Variants in LRP8 observed in about 807,000 individuals in gnomAD.
LRP8 encodes LDL receptor related protein 8.
In LRP8, 46 loss-of-function variants were observed where a neutral mutation model predicts 111.6. That is an observed-to-expected ratio of 0.41 (90% CI 0.33 to 0.53). The LOEUF (loss-of-function observed/expected upper bound fraction) is 0.53. LRP8 is among the 20% of genes least tolerant of loss of function. LRP8 has a pLI of 0.20. For synonymous variants in LRP8, 464 were observed against 511.2 expected (o/e 0.91, Z 1.24); for missense variants, 959 against 1,297.4 (o/e 0.74, Z 4.01).
chr1:53,324,293 G>A (rs1453265795), intron 2 of LRP8, among the ~76,000 whole-genome samples: 3 of 152,194 alleles, frequency 2.0e-5, no homozygotes, highest in African/African-American at 7.2e-5. Flanking sequence ...CCTAGAATGC[G>A]GGAAGGGCTG....
chr1:53,259,621 G>A (rs918948318), intron 13 of LRP8, among the ~76,000 whole-genome samples: 5 of 150,404 alleles, frequency 3.3e-5, no homozygotes, highest in Non-Finnish European at 5.9e-5. Context: ...TTGCTCTGTC[G>A]CCCAGGCTGG....
At chr1:53,308,142 T>C (rs1334302080) in intron 2 of LRP8, among the ~76,000 whole-genome samples, 1 of 152,220 alleles carries the variant, frequency 6.6e-6, no homozygotes, top group East Asian at 1.9e-4. Flanking sequence ...TTTCCTGACA[T>C]GGAGGTGGGC....
intron 2 of LRP8, among the ~76,000 whole-genome samples, chr1:53,324,794 G>A (rs1327164793): frequency 3.3e-5 from 5 of 152,052 alleles, no homozygotes; most frequent in Admixed American, 6.6e-5. Context: ...TTTAAAGCCC[G>A]TCTTTCCAGC....
chr1:53,274,944 C>T (rs1472876544), intron 6 of LRP8: 5 of 417,460 alleles, frequency 1.2e-5, no homozygotes, highest in African/African-American at 1.0e-4. Flanking sequence ...TGGAGGGTGG[C>T]CCAGGACAGA....
At chr1:53,285,006 G>A (rs1268955974) in intron 3 of LRP8, among the ~76,000 whole-genome samples, 1 of 152,188 alleles carries the variant, frequency 6.6e-6, no homozygotes, top group Non-Finnish European at 1.5e-5. Flanking sequence ...GGTAGGACTT[G>A]AGCCTGGCTC....
intron 2 of LRP8, among the ~76,000 whole-genome samples, chr1:53,314,266 G>A (rs1288477): frequency 8.4e-4 from 125 of 148,970 alleles, no homozygotes; most frequent in African/African-American, 3.0e-3. Flanking sequence ...CTCCAGGCAC[G>A]GCATTTCTGT....
intron 3 of LRP8, among the ~76,000 whole-genome samples, chr1:53,286,654 G>A (rs1647601505): frequency 6.6e-6 from 1 of 152,244 alleles, no homozygotes; most frequent in Non-Finnish European, 1.5e-5. Flanking sequence ...CACAGAACCA[G>A]AGGGAAACAG....
rs890614226 is a variant in LRP8, at chr1:53,249,301, C to T, written c.2853+79G>A. 3.4e-6 allele frequency: 5 copies of T among 1,486,658 alleles called. No homozygotes were observed. The Admixed American group carries it at 8.4e-5, about 25-fold the overall frequency. The allele number at this position is 1,486,658 out of a possible 1,614,324, so 92.1% of individuals were successfully genotyped here. A position where few individuals can be genotyped will look rare whatever the true frequency, so the allele number is the denominator to read the frequency against. ...TTTGCAGCCTTCCCAAACCAGAAAG[C>T]CTTCTAGGATTGGCTGCGCCTGCCT... On this transcript the variant is annotated intron_variant, in intron 18 of 18. Transcript: ENST00000306052. This position sits in a 1 kb window ranked among gnomAD's most constrained non-coding sequence, Gnocchi z 4.1.
chr1:53,261,641 T>G (rs1234577004), intron 12 of LRP8, among the ~76,000 whole-genome samples: 1 of 152,204 alleles, frequency 6.6e-6, no homozygotes, highest in African/African-American at 2.4e-5. Flanking sequence ...GACCCCAGGG[T>G]CTGGCAGAGG....
chr1:53,267,396 C>T (rs943330516), intron 8 of LRP8: 8 of 152,012 alleles, frequency 5.3e-5, no homozygotes, highest in African/African-American at 1.2e-4. Flanking sequence ...CATTTGAGCC[C>T]GGGAGGTTAA....
intron 2 of LRP8, among the ~76,000 whole-genome samples, chr1:53,290,659 A>C (rs139998075): frequency 8.5e-5 from 13 of 152,320 alleles, no homozygotes; most frequent in Non-Finnish European, 1.5e-4. Flanking sequence ...CCTACGAGGA[A>C]CTAGAGTTTC....
At chr1:53,277,664 C>T (rs1164610004) in intron 4 of LRP8, among the ~76,000 whole-genome samples, 1 of 152,324 alleles carries the variant, frequency 6.6e-6, no homozygotes, top group Non-Finnish European at 1.5e-5. Flanking sequence ...CTGCTGGGAA[C>T]CTACTTCTTG....
At chr1:53,324,495 CCT>C (rs1246607439) in intron 2 of LRP8, among the ~76,000 whole-genome samples, 1 of 152,194 alleles carries the variant, frequency 6.6e-6, no homozygotes, top group East Asian at 1.9e-4. Context: ...GACAGCTGCC[CCT>C]GTTTGGCAGA....
chr1:53,273,631 TC>T (rs34403257), intron 6 of LRP8, among the ~76,000 whole-genome samples: 2 of 152,214 alleles, frequency 1.3e-5, no homozygotes, highest in Non-Finnish European at 2.9e-5. Flanking sequence ...AGTTCTGGCT[TC>T]CCTGTCTCTT....
At chr1:53,260,343 T>C (rs971560054) in intron 13 of LRP8, 121 bp downstream of exon 13, 5 of 839,994 alleles carry the variant, frequency 6.0e-6, no homozygotes, top group Non-Finnish European at 7.7e-6. Context: ...AGAGGGATTG[T>C]TGTTATTATT....
chr1:53,269,856 T>C lies in LRP8; in HGVS notation c.1252+1172A>G, dbSNP rs1172032562. ...GACAGGGATTTGCATCTGTTTTGCT[T>C]ACTGCTGAATCCCCAGTGTCTACTA... On this transcript the variant is annotated intron_variant, in intron 8 of 18. Coordinates refer to ENST00000306052, the MANE Select transcript of LRP8 (RefSeq NM_004631.5). Among the ~76,000 whole-genome samples, 10 of 152,344 alleles carry C rather than the reference T, an allele frequency of 6.6e-5. No homozygotes were observed. The East Asian group carries it at 1.9e-3, about 29-fold the overall frequency.
At chr1:53,272,754 T>C in intron 6 of LRP8, 1 of 896,642 alleles carries the variant, frequency 1.1e-6, no homozygotes. Context: ...CCACGGCAGC[T>C]CCCACCTCTA....
At chr1:53,272,507 G>T in intron 6 of LRP8, 1 of 1,127,974 alleles carries the variant, frequency 8.9e-7, no homozygotes, top group Non-Finnish European at 1.2e-6. Context: ...CCATGGCCAT[G>T]CATATAGCTG....
chr1:53,323,329 G>A (rs1006137238), intron 2 of LRP8, among the ~76,000 whole-genome samples: 11 of 152,230 alleles, frequency 7.2e-5, no homozygotes, highest in Non-Finnish European at 1.3e-4. Flanking sequence ...AACGAGGGGC[G>A]ATGTGTGGAC....
Sources: gnomAD v4.1 joint callset for allele counts (sites outside exome capture counted in the v4.1 genomes callset) on GRCh38, gnomAD v4.1.1 for gene constraint, Gnocchi (gnomAD v3.1) non-coding constraint, MANE v1.5 for transcripts, NCBI Gene and HGNC (gene_info 2026-07-23, HGNC 2026-07-21) for gene names.